The following CERT1 variants were observed in gnomAD, a reference collection of about 807,000 sequenced individuals.
CERT1 encodes the protein ceramide transporter 1.
CERT1 carries 31 observed loss-of-function variants against 87.9 expected under a neutral mutation model. The observed-to-expected ratio is 0.35, with a 90% CI of 0.27 to 0.48. CERT1 has a LOEUF of 0.48. CERT1 is among the 20% of genes least tolerant of loss of function. The pLI is 0.99. For missense variants in CERT1, 487 were observed against 758.0 expected, an observed-to-expected ratio of 0.64 and a Z score of 4.20; for synonymous variants, 289 against 250.9, an observed-to-expected ratio of 1.15 and a Z score of -1.44.
chr5:75,428,276 T>C (rs1481718956), intron 3 of CERT1, among the ~76,000 whole-genome samples: 3 of 151,938 alleles, frequency 2.0e-5, no homozygotes, highest in Non-Finnish European at 4.4e-5. Context: ...TATTCTAGGA[T>C]CTCGGAGCTC....
Position 75,492,902 on chromosome 5 carries a change from G to C in CERT1, c.231+13080C>G, listed in dbSNP as rs76098955. ...TAGGACGCATCAGAATCATTTGAAG[G>C]GTTTGTTAAAGAAAGAATGCTGGAC... On this transcript the variant is annotated intron_variant, in intron 2 of 16. Transcript: ENST00000643780. 1.1e-3 allele frequency among the ~76,000 whole-genome samples: 163 copies of C among 152,224 alleles called. 1 individual carries two copies. In the East Asian group the frequency reaches 0.027, roughly 25 times the overall value.
chr5:75,433,957 T>C (rs980607022), intron 3 of CERT1, among the ~76,000 whole-genome samples: 1 of 152,216 alleles, frequency 6.6e-6, no homozygotes, highest in African/African-American at 2.4e-5. Context: ...TGACTTCCTC[T>C]TTTCCAATCC....
chr5:75,421,507 T>A (rs897153266), intron 5 of CERT1, among the ~76,000 whole-genome samples: 2 of 152,212 alleles, frequency 1.3e-5, no homozygotes, highest in Non-Finnish European at 2.9e-5. Context: ...TCCACTTCCA[T>A]CATTCCTACA....
intron 17 of CERT1, chr5:75,369,058 T>G (rs1432069163): frequency 6.6e-6 from 1 of 151,982 alleles, no homozygotes; most frequent in Non-Finnish European, 1.5e-5. Flanking sequence ...GGATTACAGG[T>G]GCATGCCACC....
chr5:75,401,396 GA>G (rs1762466773), intron 9 of CERT1: 1 of 152,118 alleles, frequency 6.6e-6, no homozygotes, highest in Admixed American at 6.5e-5. Flanking sequence ...TCACAGATTA[GA>G]AAACCAAGGC....
At position 75,385,951 on chromosome 5, in the gene CERT1, A is replaced by G; in HGVS notation, c.1368T>C (p.His456=). The G allele has an allele frequency of 1.3e-6, 2 of 1,590,802 alleles. No individual in the cohort carries two copies. Among genetic ancestry groups the G allele is most frequent in the Non-Finnish European group, 1.7e-6 (2 of 1,168,574 alleles). ...CATTCCAGAAATAATTGCAGACTTC[A>G]TGTCCTGTGACGCCTTTAACTGCAT... ...ATHAVKGVTG[H]EVCNYFWNVD... is the part of the protein sequence containing the mutation. Residue 456 remains histidine, a synonymous_variant, in exon 13 of 17, where the codon CAT becomes CAC. Coordinates refer to ENST00000643780, the MANE Select transcript of CERT1 (RefSeq NM_001379029.1).
At chr5:75,452,300 G>A (rs570757128) in intron 3 of CERT1, among the ~76,000 whole-genome samples, 16 of 152,238 alleles carry the variant, frequency 1.1e-4, no homozygotes, top group South Asian at 8.3e-4. Context: ...TTTCCACAAC[G>A]TGGGGAAAGT....
intron 3 of CERT1, among the ~76,000 whole-genome samples, chr5:75,436,134 G>A (rs557909347): frequency 1.3e-5 from 2 of 152,262 alleles, no homozygotes; most frequent in African/African-American, 4.8e-5. Flanking sequence ...CCGGGTTCAC[G>A]CCATTCTTCT....
chr5:75,420,239 A>G (rs148175097), intron 5 of CERT1, among the ~76,000 whole-genome samples: 2,243 of 152,042 alleles, frequency 0.015, 48 homozygotes, highest in African/African-American at 0.05. Flanking sequence ...CGGCCTCCCA[A>G]TGTGCTGGGA....
At chr5:75,419,963 G>T (rs1295428868) in intron 5 of CERT1, among the ~76,000 whole-genome samples, 1 of 151,696 alleles carries the variant, frequency 6.6e-6, no homozygotes. Flanking sequence ...ACCTTAGCTT[G>T]CCTCTAAGAG....
intron 2 of CERT1, among the ~76,000 whole-genome samples, chr5:75,482,451 C>G (rs1766293503): frequency 6.6e-6 from 1 of 152,218 alleles, no homozygotes; most frequent in South Asian, 2.1e-4. Flanking sequence ...GGTAGCTTGC[C>G]ACCCTAAAGG....
intron 3 of CERT1, among the ~76,000 whole-genome samples, chr5:75,443,836 T>TG (rs1303214263): frequency 6.6e-6 from 1 of 152,238 alleles, no homozygotes; most frequent in African/African-American, 2.4e-5. Flanking sequence ...TCATTAGATA[T>TG]GTTTATAATT....
In CERT1 at chr5:75,511,606, A is replaced by G; in HGVS notation, c.-399T>C. On this transcript the variant is annotated 5_prime_UTR_variant, in exon 1 of 17. The change abolishes an upstream ATG in the 5' untranslated region. Coordinates refer to ENST00000643780, the MANE Select transcript of CERT1 (RefSeq NM_001379029.1). ...CACTCACACCTCCGCTACCGCCGCC[A>G]TCTTCCTGCCTGGCCCACTATTTAC... 6.8e-7 allele frequency: 1 copy of G among 1,467,840 alleles called. No homozygotes were observed. Among genetic ancestry groups the G allele is most frequent in the Non-Finnish European group, 9.0e-7 (1 of 1,109,124 alleles). 90.9% of individuals were successfully genotyped at this position (1,467,840 alleles called of 1,614,324 possible).
chr5:75,380,968 T>C, intron 16 of CERT1, 104 bp downstream of exon 16: 1 of 1,185,538 alleles, frequency 8.4e-7, no homozygotes. Flanking sequence ...AAATTAGTAA[T>C]CTAATGGATA....
In CERT1 at chr5:75,379,559, A is replaced by G. The variant is rs1346597722; in HGVS notation, c.1748-86T>C. 3.2e-6 allele frequency: 4 copies of G among 1,254,062 alleles called. No homozygotes were observed. The East Asian group carries it at 9.7e-5, about 30-fold the overall frequency. 77.7% of individuals were successfully genotyped at this position (1,254,062 alleles called of 1,614,324 possible). A position where few individuals can be genotyped will look rare whatever the true frequency, so the allele number is the denominator to read the frequency against. Reference sequence around the variant, plus strand: ...ACTTAATTTGTTCCCTTGTTTTTAAAATATTCCTCACATTGGACCAATTAG... The same window carrying G: ...ACTTAATTTGTTCCCTTGTTTTTAAGATATTCCTCACATTGGACCAATTAG... On this transcript the variant is annotated intron_variant, in intron 16 of 16. Transcript: ENST00000643780.
chr5:75,430,706 A>G (rs1245308365), intron 3 of CERT1, among the ~76,000 whole-genome samples: 1 of 152,152 alleles, frequency 6.6e-6, no homozygotes, highest in Non-Finnish European at 1.5e-5. Flanking sequence ...ATCACAGCAA[A>G]ATGGAATTCT....
At chr5:75,485,312 CAAAAAAAAAAAAA>C (rs757349878) in intron 2 of CERT1, among the ~76,000 whole-genome samples, 2 of 46,438 alleles carry the variant, frequency 4.3e-5, no homozygotes, top group Non-Finnish European at 7.5e-5. Flanking sequence ...CACAAAAATA[CAAAAAAAAAAAAA>C]AAAAAAAAAA....
chr5:75,509,742 G>GA (rs1350306082), intron 1 of CERT1, among the ~76,000 whole-genome samples: 3 of 152,096 alleles, frequency 2.0e-5, no homozygotes, highest in Non-Finnish European at 4.4e-5. Context: ...GAGCAGTGAT[G>GA]AAACTACCAA....
At chr5:75,485,645 C>T (rs1221820962) in intron 2 of CERT1, among the ~76,000 whole-genome samples, 1 of 151,670 alleles carries the variant, frequency 6.6e-6, no homozygotes, top group East Asian at 1.9e-4. Context: ...AGAGAAGACC[C>T]AAATAGATAA....
Sources: allele counts gnomAD v4.1 joint callset (sites outside exome capture counted in the v4.1 genomes callset), GRCh38; gene constraint gnomAD v4.1.1; transcripts MANE v1.5; gene names NCBI Gene and HGNC (gene_info 2026-07-23, HGNC 2026-07-21).